Variants in SPON1 observed in about 807,000 individuals in gnomAD.
SPON1 encodes the protein spondin 1.
In SPON1, 52 loss-of-function variants were observed where a neutral mutation model predicts 111.7. The ratio of observed to expected loss-of-function variants is 0.47; its 90% CI spans 0.37 to 0.59. SPON1 has a LOEUF of 0.59. Among genes scored for constraint, SPON1 ranks in the 20% least tolerant of loss-of-function variants. The pLI, the probability that SPON1 is intolerant of heterozygous loss-of-function variation, is 0.00. For missense variants in SPON1, 957 were observed against 1,068.5 expected (o/e 0.90, Z 1.46); for synonymous variants, 410 against 395.8 (o/e 1.04, Z -0.43).
chr11:14,152,980 A>C (rs967876109), intron 6 of SPON1, among the ~76,000 whole-genome samples: 2 of 152,180 alleles, frequency 1.3e-5, no homozygotes, highest in Non-Finnish European at 2.9e-5. Flanking sequence ...TATAATACAC[A>C]AAGAAGTGAG....
intron 5 of SPON1, among the ~76,000 whole-genome samples, chr11:14,128,884 G>A (rs1399715089): frequency 6.6e-6 from 1 of 152,254 alleles, no homozygotes; most frequent in African/African-American, 2.4e-5. Flanking sequence ...AAGGCTTGGG[G>A]CTTGCACCCT....
chr11:14,042,956 C>A (rs954051572), intron 3 of SPON1, among the ~76,000 whole-genome samples: 11 of 152,216 alleles, frequency 7.2e-5, no homozygotes, highest in Non-Finnish European at 1.2e-4. Context: ...GCAAGCTGAG[C>A]ATCCTTCCTC....
At chr11:14,234,131 A>T (rs568295761) in intron 6 of SPON1, among the ~76,000 whole-genome samples, 54 of 152,082 alleles carry the variant, frequency 3.6e-4, no homozygotes, top group African/African-American at 1.2e-3. Flanking sequence ...AAGGGGCACT[A>T]CCCTTACAGG....
rs781784446 is a variant in SPON1, at chr11:14,080,035, C to T, written c.676+14C>T. 2 of 1,613,826 alleles carry T rather than the reference C, an allele frequency of 1.2e-6. No individual in the cohort carries two copies. Among genetic ancestry groups the T allele is most frequent in the South Asian group, 1.1e-5 (1 of 91,068 alleles). On this transcript the variant is annotated intron_variant, in intron 5 of 15. Transcript: ENST00000576479. Reference sequence around the variant, plus strand: ...AGGATTACCCTCGTGAGTAGAGTGGCTACTCTGTGGTTTGGGGAAAAGCAC... The same window carrying T: ...AGGATTACCCTCGTGAGTAGAGTGGTTACTCTGTGGTTTGGGGAAAAGCAC...
chr11:14,089,913 G>A (rs958121692), intron 5 of SPON1, among the ~76,000 whole-genome samples: 17 of 152,122 alleles, frequency 1.1e-4, no homozygotes, highest in Admixed American at 4.6e-4. Context: ...GTTGAGTTCC[G>A]CCCAGTCTGA....
chr11:14,166,094 A>G (rs1848026358), intron 6 of SPON1, among the ~76,000 whole-genome samples: 1 of 145,034 alleles, frequency 6.9e-6, no homozygotes, highest in African/African-American at 2.6e-5. Flanking sequence ...TGTGTACACA[A>G]GGTATGAGGC....
Position 14,254,607 on chromosome 11 carries a change from C to A in SPON1, c.970C>A (p.Pro324Thr), listed in dbSNP as rs1849086489. ...CTTCCTGACCATGATGGGCCCTAGT[C>A]CCGACTGGAACGTAGGCTTATCTGC... ...MSFLTMMGPS[P>T]DWNVGLSAED... The change falls in exon 8 of 16, where the codon CCC becomes ACC. Residue 324 changes from proline (P) to threonine (T), a missense_variant. Pro to Thr is a conservative substitution (Grantham distance 38). Coordinates refer to ENST00000576479, the MANE Select transcript of SPON1 (RefSeq NM_006108.4). The A allele has an allele frequency of 6.2e-7, 1 of 1,613,826 alleles. No homozygotes were observed. The highest frequency in any genetic ancestry group is 8.5e-7 in the Non-Finnish European group (1 of 1,179,868).
At chr11:14,065,673 C>T (rs1848827147) in intron 3 of SPON1, among the ~76,000 whole-genome samples, 1 of 152,136 alleles carries the variant, frequency 6.6e-6, no homozygotes, top group African/African-American at 2.4e-5. Flanking sequence ...ACATTCATGC[C>T]CTTCTGCGTA....
intron 5 of SPON1, among the ~76,000 whole-genome samples, chr11:14,103,861 T>G (rs782755504): frequency 3.9e-5 from 6 of 152,228 alleles, no homozygotes; most frequent in Non-Finnish European, 8.8e-5. Flanking sequence ...CTTATTAATT[T>G]ATCATATTCT....
chr11:14,008,751 C>T (rs1238100401), intron 2 of SPON1, among the ~76,000 whole-genome samples: 1 of 152,144 alleles, frequency 6.6e-6, no homozygotes, highest in Non-Finnish European at 1.5e-5. Flanking sequence ...GGCCAATCAC[C>T]CCACCTTTGT....
chr11:14,171,031 C>T (rs1276873444), intron 6 of SPON1, among the ~76,000 whole-genome samples: 1 of 152,192 alleles, frequency 6.6e-6, no homozygotes. Flanking sequence ...GGAGGATTCC[C>T]TCTTTTTCTA....
intron 1 of SPON1, among the ~76,000 whole-genome samples, chr11:13,978,855 A>G (rs1404664632): frequency 6.6e-6 from 1 of 152,202 alleles, no homozygotes; most frequent in Non-Finnish European, 1.5e-5. Context: ...ATTGAAATGT[A>G]GTATGGCAGG....
Position 14,002,112 on chromosome 11 carries a change from A to G in SPON1, c.345+19159A>G, listed in dbSNP as rs569915061. 7.2e-5 allele frequency among the ~76,000 whole-genome samples: 11 copies of G among 152,350 alleles called. No homozygotes were observed. In the South Asian group the frequency reaches 1.4e-3, roughly 20 times the overall value. The stretch of plus-strand genomic sequence containing the variant: ...AAAATATACAACAATTTGATGAACA[A>G]GAAGGAAAGTGAGAGTAGATAGGAT... On this transcript the variant is annotated intron_variant, in intron 2 of 15. Transcript: ENST00000576479.
intron 2 of SPON1, among the ~76,000 whole-genome samples, chr11:14,014,033 G>A (rs7116230): frequency 0.31 from 47,323 of 152,026 alleles, 8,264 homozygotes; most frequent in South Asian, 0.51. Flanking sequence ...GCTTCTGACT[G>A]TCATCAAATT....
At chr11:14,206,071 A>T (rs1848513900) in intron 6 of SPON1, among the ~76,000 whole-genome samples, 1 of 152,106 alleles carries the variant, frequency 6.6e-6, no homozygotes, top group Admixed American at 6.5e-5. Flanking sequence ...CCAGAGCACT[A>T]TGCCTATTTT....
chr11:14,251,442 T>G (rs1554940654), intron 7 of SPON1, among the ~76,000 whole-genome samples: 1 of 152,216 alleles, frequency 6.6e-6, no homozygotes, highest in African/African-American at 2.4e-5. Context: ...GGCCTTGGTC[T>G]CAGATGGTTA....
intron 1 of SPON1, among the ~76,000 whole-genome samples, chr11:13,965,734 G>T (rs1027001303): frequency 1.3e-5 from 2 of 152,162 alleles, no homozygotes; most frequent in African/African-American, 2.4e-5. Flanking sequence ...CTCAAAGTCC[G>T]AAAGAAAAGG....
intron 2 of SPON1, among the ~76,000 whole-genome samples, chr11:14,009,181 TA>T (rs1439983284): frequency 5.3e-5 from 8 of 152,232 alleles, no homozygotes; most frequent in African/African-American, 1.9e-4. Context: ...AGCTGTTCAA[TA>T]AATGTTTGTT....
intron 5 of SPON1, among the ~76,000 whole-genome samples, chr11:14,085,865 T>C (rs1849002120): frequency 6.6e-6 from 1 of 152,198 alleles, no homozygotes; most frequent in Admixed American, 6.5e-5. Context: ...GTCATTCATG[T>C]CCCTTGTAAG....
Sources: gnomAD v4.1 joint callset for allele counts (sites outside exome capture counted in the v4.1 genomes callset) on GRCh38, gnomAD v4.1.1 for gene constraint, MANE v1.5 for transcripts, NCBI Gene and HGNC (gene_info 2026-07-23, HGNC 2026-07-21) for gene names.